Variants in SPOCK1 observed in about 807,000 individuals in gnomAD.
SPOCK1 encodes SPARC (osteonectin), cwcv and kazal like domains proteoglycan 1.
A neutral mutation model predicts 55.3 loss-of-function variants in SPOCK1; 23 were observed. The ratio of observed to expected loss-of-function variants is 0.42; its 90% CI spans 0.30 to 0.59. The LOEUF is 0.59. SPOCK1 is among the 20% of genes least tolerant of loss of function. The pLI is 0.22. For missense variants in SPOCK1, 499 were observed against 552.5 expected, an observed-to-expected ratio of 0.90 and a Z score of 0.97; for synonymous variants, 226 against 221.0, an observed-to-expected ratio of 1.02 and a Z score of -0.20.
intron 3 of SPOCK1, among the ~76,000 whole-genome samples, chr5:137,191,968 C>T (rs1431276038): frequency 6.6e-6 from 1 of 152,088 alleles, no homozygotes; most frequent in Admixed American, 6.6e-5. Flanking sequence ...GGTGCAGTGG[C>T]TCACACCTGT....
intron 2 of SPOCK1, among the ~76,000 whole-genome samples, chr5:137,411,731 C>T (rs1040959842): frequency 2.0e-5 from 3 of 152,194 alleles, no homozygotes; most frequent in Non-Finnish European, 4.4e-5. Context: ...TCACCAGGGC[C>T]TTGTGAGGCT....
rs562236252 is a variant in SPOCK1, at chr5:137,134,981, T to C, written c.347+5599A>G. Among the ~76,000 whole-genome samples the C allele has an allele frequency of 5.3e-5, 8 of 152,330 alleles. No individual in the cohort carries two copies. In the East Asian group the frequency reaches 1.5e-3, roughly 29 times the overall value. On this transcript the variant is annotated intron_variant, in intron 4 of 10. Coordinates refer to ENST00000394945, the MANE Select transcript of SPOCK1 (RefSeq NM_004598.4). ...ATTCTTTGCTGGTGTGGAGAATTAG[T>C]TGTTATTCCAGATAGTTAAGAAGTG...
intron 3 of SPOCK1, among the ~76,000 whole-genome samples, chr5:137,219,010 G>C (rs532416930): frequency 6.6e-6 from 1 of 152,256 alleles, no homozygotes; most frequent in African/African-American, 2.4e-5. Flanking sequence ...ACCTGCAAGG[G>C]GGAACCTTAA....
chr5:137,379,882 G>T (rs966411166), intron 2 of SPOCK1, among the ~76,000 whole-genome samples: 2 of 152,170 alleles, frequency 1.3e-5, no homozygotes, highest in Non-Finnish European at 2.9e-5. Context: ...GACCTTAGGG[G>T]TGCATTAATT....
At chr5:137,371,232 C>T (rs1454924978) in intron 2 of SPOCK1, among the ~76,000 whole-genome samples, 1 of 152,228 alleles carries the variant, frequency 6.6e-6, no homozygotes, top group Non-Finnish European at 1.5e-5. Flanking sequence ...CAAGGCTCAG[C>T]TCCCTCACGT....
intron 2 of SPOCK1, among the ~76,000 whole-genome samples, chr5:137,476,314 A>C (rs987782274): frequency 3.9e-5 from 6 of 152,242 alleles, no homozygotes; most frequent in African/African-American, 1.4e-4. Context: ...AGAGAAGCAG[A>C]GAACAAAACA....
chr5:137,399,146 C>A (rs1751921503), intron 2 of SPOCK1, among the ~76,000 whole-genome samples: 1 of 152,150 alleles, frequency 6.6e-6, no homozygotes, highest in African/African-American at 2.4e-5. Context: ...GTCACAGTAG[C>A]CTATGTAGCG....
intron 2 of SPOCK1, 77 bp from the exon 3 acceptor site, chr5:137,267,132 C>T: frequency 1.6e-6 from 2 of 1,216,314 alleles, no homozygotes; most frequent in East Asian, 2.3e-5. Flanking sequence ...ACCTGCCTTC[C>T]TTTTCACCTC....
intron 6 of SPOCK1, among the ~76,000 whole-genome samples, chr5:137,056,445 C>G (rs749041351): frequency 3.3e-5 from 5 of 152,042 alleles, no homozygotes; most frequent in Non-Finnish European, 5.9e-5. Flanking sequence ...AGTGCAAAAA[C>G]TCCCTGGTGA....
intron 3 of SPOCK1, among the ~76,000 whole-genome samples, chr5:137,193,552 G>A (rs1755230893): frequency 6.6e-6 from 1 of 152,166 alleles, no homozygotes; most frequent in African/African-American, 2.4e-5. Context: ...AATCTCCACA[G>A]ACTCATAATG....
intron 3 of SPOCK1, among the ~76,000 whole-genome samples, chr5:137,251,709 T>C (rs1756533009): frequency 6.6e-6 from 1 of 152,170 alleles, no homozygotes; most frequent in Admixed American, 6.5e-5. Flanking sequence ...GGCTTTTAGA[T>C]GCCTGCATGA....
rs1561573430 is a variant in SPOCK1, at chr5:136,992,606, G to T, written c.590-6C>A. 6.2e-7 allele frequency: 1 copy of T among 1,609,210 alleles called. No individual in the cohort carries two copies. Among genetic ancestry groups the T allele is most frequent in the East Asian group, 2.2e-5 (1 of 44,760 alleles). On this transcript the variant is annotated splice_region_variant and splice_polypyrimidine_tract_variant and intron_variant, in intron 6 of 10. Coordinates refer to ENST00000394945, the MANE Select transcript of SPOCK1 (RefSeq NM_004598.4). Reference sequence around the variant, plus strand: ...CAACTCCTTGTCTGTGCAGGCTAGAGAAAAGCAAACAGAACAGACAATGGG... The same window carrying T: ...CAACTCCTTGTCTGTGCAGGCTAGATAAAAGCAAACAGAACAGACAATGGG...
At chr5:137,356,354 A>G (rs917362974) in intron 2 of SPOCK1, among the ~76,000 whole-genome samples, 1 of 152,208 alleles carries the variant, frequency 6.6e-6, no homozygotes, top group Non-Finnish European at 1.5e-5. Context: ...GCAAATTGCC[A>G]TCTGGACATT....
intron 9 of SPOCK1, among the ~76,000 whole-genome samples, chr5:136,984,083 A>T (rs1256668958): frequency 3.3e-5 from 5 of 152,132 alleles, no homozygotes; most frequent in Non-Finnish European, 5.9e-5. Flanking sequence ...CCTATGGAGG[A>T]GGGATCCAGC....
intron 2 of SPOCK1, 120 bp from the exon 3 acceptor site, chr5:137,267,175 A>G (rs1420824926): frequency 2.5e-6 from 2 of 802,120 alleles, no homozygotes; most frequent in Non-Finnish European, 4.1e-6. Context: ...GAAAGCTTAG[A>G]AATTTTTCCC....
intron 3 of SPOCK1, among the ~76,000 whole-genome samples, chr5:137,263,517 G>A (rs925735509): frequency 1.8e-4 from 28 of 152,280 alleles, no homozygotes; most frequent in South Asian, 8.3e-4. Context: ...AGGTCCATCC[G>A]GGGGCCTTCA....
intron 2 of SPOCK1, among the ~76,000 whole-genome samples, chr5:137,427,442 A>C (rs2149827729): frequency 6.6e-6 from 1 of 152,300 alleles, no homozygotes; most frequent in African/African-American, 2.4e-5. Context: ...GTTAGGAAGA[A>C]GCCAAGGGCA....
intron 2 of SPOCK1, among the ~76,000 whole-genome samples, chr5:137,436,909 T>A (rs991670287): frequency 6.6e-6 from 1 of 152,162 alleles, no homozygotes; most frequent in African/African-American, 2.4e-5. Flanking sequence ...TATGCCTGAA[T>A]TTCAACATCA....
At chr5:137,492,762 T>C (rs1754215085) in intron 2 of SPOCK1, among the ~76,000 whole-genome samples, 1 of 152,220 alleles carries the variant, frequency 6.6e-6, no homozygotes, top group African/African-American at 2.4e-5. Flanking sequence ...GACTGCTCAG[T>C]TGCTTGGACC....
Sources: allele counts gnomAD v4.1 joint callset (sites outside exome capture counted in the v4.1 genomes callset), GRCh38; gene constraint gnomAD v4.1.1; transcripts MANE v1.5; gene names NCBI Gene and HGNC (gene_info 2026-07-23, HGNC 2026-07-21).